The following IPO9 variants were observed in gnomAD, a reference collection of about 807,000 sequenced individuals.
IPO9 encodes importin 9.
Under a neutral mutation model 128.6 loss-of-function variants are expected in IPO9, and 28 were observed. That is an observed-to-expected ratio of 0.22 (90% CI 0.16 to 0.30). The LOEUF (loss-of-function observed/expected upper bound fraction) is 0.30, where lower values mean the gene tolerates loss of function less well. Ranked by LOEUF, IPO9 falls within the 10% of genes least tolerant of loss-of-function variation. IPO9 has a pLI of 1.00. For missense variants in IPO9, 935 were observed against 1,293.9 expected (o/e 0.72, Z 4.26); for synonymous variants, 455 against 475.8 (o/e 0.96, Z 0.57).
chr1:201,833,046 A>G (rs1571535675), intron 1 of IPO9, among the ~76,000 whole-genome samples: 1 of 152,206 alleles, frequency 6.6e-6, no homozygotes, highest in South Asian at 2.1e-4. Context: ...TTAGTGTACC[A>G]GCTGATATTT....
intron 1 of IPO9, among the ~76,000 whole-genome samples, chr1:201,846,958 C>T (rs1487604414): frequency 1.3e-5 from 2 of 152,168 alleles, no homozygotes; most frequent in Non-Finnish European, 2.9e-5. Flanking sequence ...CGTGAGCCAC[C>T]ACGCCAGGCT....
At chr1:201,856,099 C>G (rs954195875) in intron 10 of IPO9, among the ~76,000 whole-genome samples, 165 bp downstream of exon 10, 3 of 149,454 alleles carry the variant, frequency 2.0e-5, no homozygotes, top group African/African-American at 7.4e-5. Flanking sequence ...TTGCCAAATC[C>G]AAGGTTTTGG....
chr1:201,871,140 A>G (rs776463288), intron 18 of IPO9, 21 bp from the exon 19 acceptor site: 3 of 1,608,602 alleles, frequency 1.9e-6, no homozygotes, highest in African/African-American at 2.7e-5. Flanking sequence ...CCCTGAAGCA[A>G]ATGTCCTTAT....
intron 1 of IPO9, among the ~76,000 whole-genome samples, chr1:201,839,368 C>T (rs919116158): frequency 5.9e-5 from 9 of 151,934 alleles, no homozygotes; most frequent in Admixed American, 5.2e-4. Context: ...AGTCACGCAC[C>T]ACCACGCCCA....
At chr1:201,837,962 C>T (rs954612672) in intron 1 of IPO9, among the ~76,000 whole-genome samples, 2 of 151,830 alleles carry the variant, frequency 1.3e-5, no homozygotes, top group Non-Finnish European at 1.5e-5. Flanking sequence ...CCCAGCCACT[C>T]GGGAGGCTGA....
intron 1 of IPO9, among the ~76,000 whole-genome samples, chr1:201,838,896 A>G (rs1330878969): frequency 6.6e-6 from 1 of 151,926 alleles, no homozygotes; most frequent in Non-Finnish European, 1.5e-5. Context: ...TGCTTAGGAA[A>G]TGTGTAAGAA....
chr1:201,856,719 C>T (rs572791264), intron 10 of IPO9, among the ~76,000 whole-genome samples: 2 of 152,218 alleles, frequency 1.3e-5, no homozygotes, highest in South Asian at 4.2e-4. Flanking sequence ...CAGGGTCTTG[C>T]TGTTTTGCTC....
At chr1:201,863,640 GA>G in intron 14 of IPO9, 33 bp downstream of exon 14, 1 of 1,548,334 alleles carries the variant, frequency 6.5e-7, no homozygotes, top group Non-Finnish European at 8.8e-7. Flanking sequence ...ATAATTAAGG[GA>G]AAGTTGCTCA....
At position 201,848,560 on chromosome 1, in the gene IPO9, A is replaced by G; in HGVS notation, c.480A>G (p.Leu160=). 6.2e-7 allele frequency: 1 copy of G among 1,614,078 alleles called. No individual in the cohort carries two copies. Among genetic ancestry groups the G allele is most frequent in the East Asian group, 2.2e-5 (1 of 44,882 alleles). Residue 160 remains leucine, a synonymous_variant, in exon 4 of 24, where the codon TTA becomes TTG. Transcript: ENST00000361565. ...TGGAGATGTTGGTGAGCGGAGACTT[A>G]AATGCCGTCCATGGAGCCATGCGTG... is the stretch of plus-strand genomic sequence containing the variant. ...LLMEMLVSGD[L]NAVHGAMRVL...
At chr1:201,852,025 A>G in intron 4 of IPO9, 79 bp from the exon 5 acceptor site, 2 of 865,034 alleles carry the variant, frequency 2.3e-6, no homozygotes, top group Non-Finnish European at 1.8e-6. Context: ...GCCACCTAGA[A>G]GCAGTTCAGA....
At position 201,863,570 on chromosome 1, in the gene IPO9, C is replaced by G; in HGVS notation, c.1591C>G (p.Pro531Ala). ...TVSGLHETQP[P>A]SVRISAVRAI... Reference sequence around the variant, plus strand: ...TAGTGGTCTTCACGAGACACAGCCCCCATCAGTTCGAATTTCTGCAGTGAG... The same window carrying G: ...TAGTGGTCTTCACGAGACACAGCCCGCATCAGTTCGAATTTCTGCAGTGAG... The change falls in exon 14 of 24, where the codon CCA becomes GCA. Residue 531 changes from proline to alanine, a missense_variant. Physicochemically the swap from Pro to Ala is conservative, Grantham distance 27. Coordinates refer to ENST00000361565, the MANE Select transcript of IPO9 (RefSeq NM_018085.5). 6.3e-7 allele frequency: 1 copy of G among 1,598,198 alleles called. No individual in the cohort carries two copies. The highest frequency in any genetic ancestry group is 8.6e-7 in the Non-Finnish European group (1 of 1,167,172).
intron 1 of IPO9, among the ~76,000 whole-genome samples, chr1:201,835,363 T>C (rs140501389): frequency 6.6e-6 from 1 of 152,216 alleles, no homozygotes; most frequent in African/African-American, 2.4e-5. Flanking sequence ...TATGGGGTGA[T>C]AAGAGAGAAA....
chr1:201,863,208 C>T (rs932525026), intron 13 of IPO9, among the ~76,000 whole-genome samples: 3 of 151,978 alleles, frequency 2.0e-5, no homozygotes, highest in South Asian at 2.1e-4. Flanking sequence ...AAAAATTAGC[C>T]GGGCATGGTG....
rs1239036782 is a variant in IPO9 at position 201,870,751 on chromosome 1, T to A, written c.2302T>A (p.Ser768Thr). Residue 768 changes from serine to threonine, a missense_variant, in exon 18 of 24, where the codon TCC becomes ACC. Coordinates refer to ENST00000361565, the MANE Select transcript of IPO9 (RefSeq NM_018085.5). This position sits in a 1 kb window ranked among gnomAD's most constrained non-coding sequence, Gnocchi z 4.9. ...TGCGGCCTTTGTGGGCCGCCTTGTT[T>A]CCACCCTCATCTCCAAGGCAGGGCG... is the stretch of plus-strand genomic sequence containing the variant. ...FTAAFVGRLV[S>T]TLISKAGREL... 3.7e-6 allele frequency: 6 copies of A among 1,614,194 alleles called. No individual in the cohort carries two copies. The highest frequency in any genetic ancestry group is 1.3e-5 in the African/African-American group (1 of 75,044).
At chr1:201,840,809 G>T (rs1004282035) in intron 1 of IPO9, among the ~76,000 whole-genome samples, 3 of 152,010 alleles carry the variant, frequency 2.0e-5, no homozygotes, top group African/African-American at 7.2e-5. Context: ...TCTTTTTCAT[G>T]TAAACAAGAA....
intron 1 of IPO9, 44 bp downstream of exon 1, chr1:201,829,416 T>G (rs1679785753): frequency 6.7e-7 from 1 of 1,500,888 alleles, no homozygotes; most frequent in Non-Finnish European, 8.9e-7. Context: ...AGCCGCACAA[T>G]CCGCTGACCG....
chr1:201,849,507 A>G (rs895946227), intron 4 of IPO9, among the ~76,000 whole-genome samples: 3 of 152,180 alleles, frequency 2.0e-5, no homozygotes, highest in East Asian at 1.9e-4. Flanking sequence ...CCAATATCTT[A>G]TCTCTTTTTC....
chr1:201,873,439 C>T (rs533855619), intron 20 of IPO9, among the ~76,000 whole-genome samples: 18 of 109,288 alleles, frequency 1.6e-4, no homozygotes, highest in Non-Finnish European at 2.7e-4. Context: ...AATGAGACTC[C>T]GTCTCAAAAA....
Position 201,866,905 on chromosome 1 carries a change from A to G in IPO9, c.1801A>G (p.Met601Val). The change falls in exon 15 of 24, where the codon ATG becomes GTG. Residue 601 changes from methionine to valine, a missense_variant. Around this residue, in one of 3 missense-constraint regions of IPO9, gnomAD observed 741 missense variants for 1,019.1 expected, o/e 0.73. Coordinates refer to ENST00000361565, the MANE Select transcript of IPO9 (RefSeq NM_018085.5). ...CTVDPEFTASMESKICPFTIA... is the reference protein window; with the variant it reads ...CTVDPEFTASVESKICPFTIA... ...AGTAGACCCCGAATTCACAGCAAGC[A>G]TGGAAAGCAAAATCTGCCCCTTCAC... 1 of 1,614,194 alleles carries G rather than the reference A, an allele frequency of 6.2e-7. No individual in the cohort carries two copies. Among genetic ancestry groups the G allele is most frequent in the South Asian group, 1.1e-5 (1 of 91,084 alleles).
Sources: gnomAD v4.1 joint callset for allele counts (sites outside exome capture counted in the v4.1 genomes callset) on GRCh38, gnomAD v4.1.1 for gene constraint, gnomAD v4.1.1 regional missense constraint, Gnocchi (gnomAD v3.1) non-coding constraint, MANE v1.5 for transcripts, NCBI Gene and HGNC (gene_info 2026-07-23, HGNC 2026-07-21) for gene names.